PDHX: variants seen among roughly 807,000 people sequenced by gnomAD.
The protein encoded by PDHX is pyruvate dehydrogenase protein X component, mitochondrial.
In PDHX, 33 loss-of-function variants were observed where a neutral mutation model predicts 55.3. The ratio of observed to expected loss-of-function variants is 0.60; its 90% confidence interval spans 0.45 to 0.80. PDHX has a LOEUF of 0.80. Ranked by LOEUF, PDHX falls within the 30% of genes least tolerant of loss-of-function variation. PDHX has a pLI of 0.00. For synonymous variants in PDHX, 226 were observed against 219.4 expected, an observed-to-expected ratio of 1.03 and a Z score of -0.27; for missense variants, 622 against 619.9, an observed-to-expected ratio of 1.00 and a Z score of -0.04.
intron 9 of PDHX, among the ~76,000 whole-genome samples, chr11:34,989,203 G>A (rs1855710271): frequency 6.6e-6 from 1 of 152,146 alleles, no homozygotes; most frequent in Non-Finnish European, 1.5e-5. Flanking sequence ...GAATTTTTCA[G>A]CTCCATTTTA....
intron 1 of PDHX, among the ~76,000 whole-genome samples, chr11:34,917,423 T>G (rs1853757221): frequency 6.6e-6 from 1 of 152,186 alleles, no homozygotes; most frequent in East Asian, 1.9e-4. Flanking sequence ...AAAAATTTAT[T>G]ATAGAAAATT....
At chr11:34,925,036 T>C (rs1853986727) in intron 1 of PDHX, among the ~76,000 whole-genome samples, 1 of 152,226 alleles carries the variant, frequency 6.6e-6, no homozygotes, top group Non-Finnish European at 1.5e-5. Flanking sequence ...ATATTTTGTT[T>C]GTTAGCTTTC....
rs117637362 is a variant in PDHX at position 34,970,666 on chromosome 11, C to T, written c.964+380C>T. On this transcript the variant is annotated intron_variant, in intron 7 of 10. Transcript: ENST00000227868. ...GCTTTAAAAATACAGGTTGAGCAAC[C>T]CAAAACCAAAACTTCAAAGTGCTTC... 9.7e-3 allele frequency among the ~76,000 whole-genome samples: 1,477 copies of T among 152,192 alleles called. 18 individuals are homozygous for T. Among genetic ancestry groups the T allele is most frequent in the Middle Eastern group, 0.024 (7 of 294 alleles).
intron 9 of PDHX, among the ~76,000 whole-genome samples, chr11:34,986,194 A>G (rs897554793): frequency 4.0e-5 from 6 of 151,720 alleles, no homozygotes; most frequent in Admixed American, 6.6e-5. Context: ...TATCTGAACT[A>G]TTCGCGTGAC....
At chr11:34,987,473 G>A (rs1221235687) in intron 9 of PDHX, among the ~76,000 whole-genome samples, 4 of 152,118 alleles carry the variant, frequency 2.6e-5, no homozygotes, top group African/African-American at 9.7e-5. Context: ...ACAGGAGAGA[G>A]AGAGAGCAAA....
In PDHX at chr11:34,982,487, G is replaced by A. The variant is rs144849582; in HGVS notation, c.1024-2083G>A. Reference sequence around the variant, plus strand: ...AAAAAATCCATGAATCCGGGAGCTGGTTTTTTTGAAAAGATCAACAAAATT... The same window carrying A: ...AAAAAATCCATGAATCCGGGAGCTGATTTTTTTGAAAAGATCAACAAAATT... On this transcript the variant is annotated intron_variant, in intron 8 of 10. Coordinates refer to ENST00000227868, the MANE Select transcript of PDHX (RefSeq NM_003477.3). 1.2e-3 allele frequency among the ~76,000 whole-genome samples: 186 copies of A among 152,116 alleles called. 2 individuals carry two copies. Among genetic ancestry groups the A allele is most frequent in the African/African-American group, 4.3e-3 (179 of 41,510 alleles).
intron 8 of PDHX, among the ~76,000 whole-genome samples, chr11:34,980,348 G>GTTTATTTTTTTT (rs1319243948): frequency 3.3e-5 from 1 of 30,486 alleles, no homozygotes; most frequent in Non-Finnish European, 7.4e-5. Flanking sequence ...GTTTAAGATA[G>GTTTATTTTTTTT]TTTCTTTTTT....
chr11:34,986,265 A>G (rs1169044350), intron 9 of PDHX, among the ~76,000 whole-genome samples: 3 of 148,400 alleles, frequency 2.0e-5, no homozygotes, highest in Non-Finnish European at 4.4e-5. Context: ...AGATTGTGCC[A>G]TTTGCACTGC....
At chr11:34,975,716 C>G (rs568536066) in intron 7 of PDHX, among the ~76,000 whole-genome samples, 4 of 152,252 alleles carry the variant, frequency 2.6e-5, no homozygotes, top group Admixed American at 2.6e-4. Context: ...TGGATTATCA[C>G]TCTTTGGCAT....
intron 7 of PDHX, 41 bp downstream of exon 7, chr11:34,970,327 A>C (rs1855231547): frequency 6.7e-7 from 1 of 1,484,426 alleles, no homozygotes; most frequent in African/African-American, 1.4e-5. Context: ...ACACATGCTA[A>C]CTTAACTTTC....
chr11:34,942,532 G>T (rs1854513039), intron 2 of PDHX, among the ~76,000 whole-genome samples: 1 of 152,162 alleles, frequency 6.6e-6, no homozygotes, highest in South Asian at 2.1e-4. Flanking sequence ...ATTAGGAGAG[G>T]TTCCTTGTAA....
intron 1 of PDHX, among the ~76,000 whole-genome samples, chr11:34,923,786 A>C (rs1211967762): frequency 3.9e-5 from 6 of 152,176 alleles, no homozygotes; most frequent in African/African-American, 7.2e-5. Flanking sequence ...TAGGATAACA[A>C]GTGTTCAGTA....
intron 1 of PDHX, among the ~76,000 whole-genome samples, chr11:34,921,396 T>G (rs962295624): frequency 6.6e-6 from 1 of 151,852 alleles, no homozygotes; most frequent in African/African-American, 2.4e-5. Flanking sequence ...TTTGTTTAAG[T>G]GCTCACCATC....
At chr11:34,919,795 A>G (rs1011843980) in intron 1 of PDHX, among the ~76,000 whole-genome samples, 2 of 152,244 alleles carry the variant, frequency 1.3e-5, no homozygotes, top group African/African-American at 2.4e-5. Context: ...ATTAGCATCT[A>G]TTAGGTGCCA....
intron 1 of PDHX, among the ~76,000 whole-genome samples, chr11:34,917,022 C>T (rs1853734234): frequency 1.3e-5 from 2 of 152,136 alleles, no homozygotes; most frequent in Non-Finnish European, 2.9e-5. Flanking sequence ...CGACTCTGCC[C>T]TAGGCCCCCT....
chr11:34,946,233 A>T (rs1417850632), intron 2 of PDHX, among the ~76,000 whole-genome samples: 1 of 150,550 alleles, frequency 6.6e-6, no homozygotes, highest in Non-Finnish European at 1.5e-5. Flanking sequence ...CAATTACTTA[A>T]TTTTTCATTT....
intron 2 of PDHX, among the ~76,000 whole-genome samples, chr11:34,947,075 C>T (rs1346777901): frequency 6.6e-6 from 1 of 152,128 alleles, no homozygotes; most frequent in African/African-American, 2.4e-5. Context: ...GTTTTTTGAA[C>T]TTGCCCTAAG....
At chr11:34,935,386 T>C (rs1182473573) in intron 2 of PDHX, among the ~76,000 whole-genome samples, 2 of 152,120 alleles carry the variant, frequency 1.3e-5, no homozygotes, top group Middle Eastern at 3.2e-3. Flanking sequence ...ATAAAGACTA[T>C]GAATAAAAGA....
chr11:34,916,954 G>A, intron 1 of PDHX, 139 bp downstream of exon 1: 1 of 906,208 alleles, frequency 1.1e-6, no homozygotes, highest in Non-Finnish European at 1.7e-6. Flanking sequence ...TCCGGTTGGG[G>A]TCCGCCGACT....
Sources: gnomAD v4.1 joint callset for allele counts (sites outside exome capture counted in the v4.1 genomes callset) on GRCh38, gnomAD v4.1.1 for gene constraint, MANE v1.5 for transcripts, NCBI Gene and HGNC (gene_info 2026-07-23, HGNC 2026-07-21) for gene names.